The following HERC3 variants were observed in gnomAD, a reference collection of about 807,000 sequenced individuals.
HERC3 encodes probable E3 ubiquitin-protein ligase HERC3.
A neutral mutation model predicts 129.9 loss-of-function variants in HERC3; 58 were observed. The ratio of observed to expected loss-of-function variants is 0.45; its 90% confidence interval spans 0.36 to 0.56. HERC3 has a LOEUF of 0.56. HERC3 is among the 20% of genes least tolerant of loss of function. The probability of loss-of-function intolerance (pLI) is 0.00; values close to 1 mark genes in which losing one functional copy is unlikely to be tolerated. For synonymous variants in HERC3, 430 were observed against 451.0 expected (o/e 0.95, Z 0.59); for missense variants, 835 against 1,244.2 (o/e 0.67, Z 4.95).
chr4:88,697,474 A>G (rs751504479), intron 23 of HERC3: 2 of 1,614,124 alleles, frequency 1.2e-6, no homozygotes, highest in Non-Finnish European at 8.5e-7. Context: ...TTTGGCTTCT[A>G]TCTTATCGCA....
At chr4:88,686,357 C>T (rs1733455395) in intron 21 of HERC3, among the ~76,000 whole-genome samples, 2 of 152,270 alleles carry the variant, frequency 1.3e-5, no homozygotes, top group Non-Finnish European at 2.9e-5. Flanking sequence ...TTTACTAATG[C>T]ATAAGCCGGT....
the HERC3 span, among the ~76,000 whole-genome samples, chr4:88,547,568 T>C: frequency 1.3e-5 from 2 of 152,242 alleles, no homozygotes; most frequent in Admixed American, 1.3e-4. Context: ...TTCTCTCTAC[T>C]AATTTGCCTA....
intron 23 of HERC3, among the ~76,000 whole-genome samples, chr4:88,699,447 C>T (rs1033660447): frequency 7.0e-6 from 1 of 143,704 alleles, no homozygotes; most frequent in African/African-American, 2.7e-5. Flanking sequence ...TCTTCTTTAC[C>T]CTGCTCACCA....
intron 23 of HERC3, among the ~76,000 whole-genome samples, chr4:88,694,505 C>A (rs1734395218): frequency 6.6e-6 from 1 of 152,174 alleles, no homozygotes; most frequent in Non-Finnish European, 1.5e-5. Context: ...CCACTCTAAT[C>A]CTAGCCATTC....
At chr4:88,686,889 CAT>C in intron 22 of HERC3, 87 bp downstream of exon 22, 1 of 1,053,650 alleles carries the variant, frequency 9.5e-7, no homozygotes, top group Non-Finnish European at 1.5e-6. Context: ...TTCTTCAAAT[CAT>C]AGAAAAAAGT....
At chr4:88,705,149 G>A (rs915752909) in intron 25 of HERC3, among the ~76,000 whole-genome samples, 6 of 152,080 alleles carry the variant, frequency 3.9e-5, no homozygotes, top group Middle Eastern at 3.2e-3. Flanking sequence ...TTACAGGTGT[G>A]AGCCACCACG....
intron 21 of HERC3, among the ~76,000 whole-genome samples, chr4:88,685,262 T>C (rs897635530): frequency 2.0e-5 from 3 of 152,154 alleles, no homozygotes; most frequent in African/African-American, 4.8e-5. Context: ...CCAAAGGATT[T>C]ATAAATCATT....
At chr4:88,565,073 T>C in the HERC3 span, among the ~76,000 whole-genome samples, 1 of 152,134 alleles carries the variant, frequency 6.6e-6, no homozygotes. Context: ...CTAGTATTAG[T>C]CCATTGTGAT....
At chr4:88,533,164 T>C in the HERC3 span, among the ~76,000 whole-genome samples, 1,214 of 152,308 alleles carry the variant, frequency 8.0e-3, 10 homozygotes, top group African/African-American at 0.028. Context: ...GGCCTGATGT[T>C]TGAGGGCAGG....
chr4:88,544,328 T>C, the HERC3 span, among the ~76,000 whole-genome samples: 1 of 152,218 alleles, frequency 6.6e-6, no homozygotes, highest in Non-Finnish European at 1.5e-5. Context: ...AAGCTCATAA[T>C]CACTGGTCAT....
At chr4:88,583,690 GC>G in the HERC3 span, 1 of 152,152 alleles carries the variant, frequency 6.6e-6, no homozygotes, top group Non-Finnish European at 1.5e-5. Context: ...GGAGAGGGGC[GC>G]TTTGTAAAAA....
intron 3 of HERC3, among the ~76,000 whole-genome samples, chr4:88,638,176 G>T (rs540916545): frequency 4.6e-5 from 7 of 152,182 alleles, no homozygotes; most frequent in Admixed American, 3.3e-4. Flanking sequence ...AGAGGAGCTG[G>T]TATCATTCCT....
chr4:88,654,729 C>T (rs1237875274), intron 7 of HERC3, among the ~76,000 whole-genome samples: 1 of 151,738 alleles, frequency 6.6e-6, no homozygotes, highest in African/African-American at 2.4e-5. Flanking sequence ...AAATATTATT[C>T]TACGTTCACT....
the HERC3 span, among the ~76,000 whole-genome samples, chr4:88,567,575 C>T: frequency 6.6e-6 from 1 of 152,126 alleles, no homozygotes; most frequent in Non-Finnish European, 1.5e-5. Context: ...TGTTGAGAGA[C>T]TCTGATGCAT....
At chr4:88,568,093 G>T in the HERC3 span, among the ~76,000 whole-genome samples, 1 of 152,228 alleles carries the variant, frequency 6.6e-6, no homozygotes, top group South Asian at 2.1e-4. Flanking sequence ...AGGATTATTA[G>T]ACAGAGATTC....
chr4:88,610,627 T>C (rs2149202735), intron 3 of HERC3, among the ~76,000 whole-genome samples: 1 of 152,248 alleles, frequency 6.6e-6, no homozygotes, highest in Non-Finnish European at 1.5e-5. Context: ...TCTCTGTGGC[T>C]TGGTCTTCTA....
chr4:88,681,124 T>C, intron 20 of HERC3, 35 bp from the exon 21 acceptor site: 1 of 1,551,902 alleles, frequency 6.4e-7, no homozygotes, highest in South Asian at 1.2e-5. Context: ...AAACATTGCA[T>C]TTCTTTTTAA....
intron 3 of HERC3, among the ~76,000 whole-genome samples, chr4:88,625,408 A>C (rs553677828): frequency 9.2e-5 from 14 of 152,296 alleles, no homozygotes; most frequent in Admixed American, 9.1e-4. Context: ...CAGGTCTTAC[A>C]CATGTTTCAT....
chr4:88,647,561 T>C (rs1238544292), intron 3 of HERC3, among the ~76,000 whole-genome samples: 1 of 152,186 alleles, frequency 6.6e-6, no homozygotes, highest in Non-Finnish European at 1.5e-5. Flanking sequence ...TTGTGCCTGG[T>C]GCAAGGCTGA....
Sources: gnomAD v4.1 joint callset for allele counts (sites outside exome capture counted in the v4.1 genomes callset) on GRCh38, gnomAD v4.1.1 for gene constraint, MANE v1.5 for transcripts, NCBI Gene and HGNC (gene_info 2026-07-23, HGNC 2026-07-21) for gene names.